Variants in SLC20A2 observed in about 807,000 individuals in gnomAD.
The protein encoded by SLC20A2 is solute carrier family 20 member 2, also known as sodium-dependent phosphate transporter 2.
SLC20A2 carries 30 observed loss-of-function variants against 61.0 expected under a neutral mutation model. That is an observed-to-expected ratio of 0.49 (90% CI 0.37 to 0.67). The LOEUF (loss-of-function observed/expected upper bound fraction) is 0.67, where lower values mean the gene tolerates loss of function less well. SLC20A2 is among the 30% of genes least tolerant of loss of function. SLC20A2 has a pLI of 0.00. For synonymous variants in SLC20A2, 351 were observed against 353.3 expected (o/e 0.99, Z 0.07); for missense variants, 626 against 866.4 (o/e 0.72, Z 3.48).
At chr8:42,477,836 G>A (rs979494754) in intron 1 of SLC20A2, among the ~76,000 whole-genome samples, 6 of 151,590 alleles carry the variant, frequency 4.0e-5, no homozygotes, top group East Asian at 1.9e-4. Flanking sequence ...CTAAAAGGGC[G>A]CTAAGAAAAA....
At chr8:42,485,870 C>T (rs1266018072) in intron 1 of SLC20A2, among the ~76,000 whole-genome samples, 2 of 150,918 alleles carry the variant, frequency 1.3e-5, no homozygotes, top group African/African-American at 4.9e-5. Context: ...CGCTTGAACC[C>T]GGGAGGCGGA....
intron 1 of SLC20A2, among the ~76,000 whole-genome samples, chr8:42,515,092 A>T (rs1471090979): frequency 6.6e-6 from 1 of 152,248 alleles, no homozygotes; most frequent in African/African-American, 2.4e-5. Flanking sequence ...CAATTCTATA[A>T]GACAGATTGA....
rs892436898 is a variant in SLC20A2 at position 42,417,514 on chromosome 8, T to G, written c.*289A>C. The G allele has an allele frequency of 2.8e-5, 6 of 213,684 alleles. No individual in the cohort carries two copies. The highest frequency in any genetic ancestry group is 4.5e-5 in the African/African-American group (2 of 44,816). The allele number at this position is 213,684 out of a possible 1,614,324, so 13.2% of individuals were successfully genotyped here. On this transcript the variant is annotated 3_prime_UTR_variant, in exon 11 of 11. Transcript: ENST00000520262. ...ATATGTTTGAAATAATGCTGCCTATTCTATGGATACAATAGATATTTAATA... is the reference window on the plus strand; with the variant it reads ...ATATGTTTGAAATAATGCTGCCTATGCTATGGATACAATAGATATTTAATA...
At chr8:42,481,292 T>C (rs1271554357) in intron 1 of SLC20A2, among the ~76,000 whole-genome samples, 1 of 152,142 alleles carries the variant, frequency 6.6e-6, no homozygotes, top group African/African-American at 2.4e-5. Context: ...TCACTGAAAG[T>C]AGATTTAAAC....
chr8:42,433,175 C>CA (rs1803991308), intron 8 of SLC20A2, among the ~76,000 whole-genome samples: 1 of 152,254 alleles, frequency 6.6e-6, no homozygotes, highest in Admixed American at 6.5e-5. Context: ...AACAGATCTC[C>CA]AGAACTTGTT....
intron 8 of SLC20A2, among the ~76,000 whole-genome samples, chr8:42,436,013 G>T (rs1804220924): frequency 6.6e-6 from 1 of 152,098 alleles, no homozygotes; most frequent in Non-Finnish European, 1.5e-5. Flanking sequence ...GGCTTGGGAA[G>T]GCTGAGACAA....
chr8:42,455,417 T>G (rs1477315931), intron 5 of SLC20A2, among the ~76,000 whole-genome samples: 1 of 151,648 alleles, frequency 6.6e-6, no homozygotes, highest in Non-Finnish European at 1.5e-5. Flanking sequence ...TCCCAGCACT[T>G]TGGGAGGCTG....
chr8:42,437,081 C>T lies in SLC20A2; in HGVS notation c.1431G>A (p.Glu477=), dbSNP rs1421633332. ...REDPAEEEKE[E]KDAPEVHLLF... ...GGAGGTGAACCTCGGGTGCGTCCTT[C>T]TCCTCCTTCTCCTCCTCTGCAGGGT... The change falls in exon 8 of 11, where the codon GAG becomes GAA. Residue 477 remains glutamate, a synonymous_variant. Transcript: ENST00000520262. The surrounding 1 kb of genome is among the most constrained non-coding windows in gnomAD (Gnocchi z 6.4). The T allele has an allele frequency of 1.1e-5, 17 of 1,614,002 alleles. No individual in the cohort carries two copies. The highest frequency in any genetic ancestry group is 1.4e-5 in the Non-Finnish European group (17 of 1,180,028).
At chr8:42,490,804 A>G (rs1328164890) in intron 1 of SLC20A2, among the ~76,000 whole-genome samples, 6 of 152,212 alleles carry the variant, frequency 3.9e-5, no homozygotes, top group Admixed American at 3.9e-4. Flanking sequence ...TTAACCGCAC[A>G]GCAGCTGAGG....
intron 1 of SLC20A2, among the ~76,000 whole-genome samples, chr8:42,479,315 C>G (rs1808387972): frequency 1.3e-5 from 2 of 152,152 alleles, no homozygotes; most frequent in Admixed American, 1.3e-4. Context: ...AGACCAAGAG[C>G]TGCAAGGACG....
intron 1 of SLC20A2, chr8:42,535,471 G>A (rs1217471649): frequency 1.3e-5 from 2 of 151,998 alleles, no homozygotes; most frequent in Non-Finnish European, 2.9e-5. Flanking sequence ...TTTCACTTCA[G>A]TTTTAAGTAT....
chr8:42,468,648 G>C (rs1807374127), intron 2 of SLC20A2, among the ~76,000 whole-genome samples: 1 of 152,148 alleles, frequency 6.6e-6, no homozygotes, highest in Non-Finnish European at 1.5e-5. Context: ...CCACGACCTA[G>C]GGAAAGTGGG....
intron 1 of SLC20A2, among the ~76,000 whole-genome samples, chr8:42,506,975 A>G (rs1052096111): frequency 1.6e-4 from 24 of 152,228 alleles, no homozygotes; most frequent in African/African-American, 5.8e-4. Flanking sequence ...TGAGAAGGCC[A>G]CATGGAGTGG....
chr8:42,489,357 G>A (rs1002520635), intron 1 of SLC20A2, among the ~76,000 whole-genome samples: 17 of 152,098 alleles, frequency 1.1e-4, no homozygotes, highest in African/African-American at 1.9e-4. Flanking sequence ...TTGAACGTAC[G>A]TGTAATGGCT....
At chr8:42,434,561 G>A (rs1039056161) in intron 8 of SLC20A2, among the ~76,000 whole-genome samples, 10 of 152,114 alleles carry the variant, frequency 6.6e-5, no homozygotes, top group African/African-American at 2.2e-4. Context: ...GTTTTGCTGT[G>A]TGGCCCTGAG....
At chr8:42,436,533 T>C (rs1235992094) in intron 8 of SLC20A2, among the ~76,000 whole-genome samples, 1 of 152,146 alleles carries the variant, frequency 6.6e-6, no homozygotes, top group African/African-American at 2.4e-5. Context: ...GTGTGGCCCC[T>C]GCTCACAGCT....
At chr8:42,464,968 G>C (rs1807040948) in intron 3 of SLC20A2, among the ~76,000 whole-genome samples, 1 of 152,110 alleles carries the variant, frequency 6.6e-6, no homozygotes, top group African/African-American at 2.4e-5. Flanking sequence ...GGGTGCCAGA[G>C]CGAGACTCCA....
At chr8:42,524,350 G>A (rs757068495) in intron 1 of SLC20A2, among the ~76,000 whole-genome samples, 2 of 152,114 alleles carry the variant, frequency 1.3e-5, no homozygotes, top group African/African-American at 2.4e-5. Flanking sequence ...GTGGTGGGGG[G>A]AGTGGGTAGA....
At chr8:42,470,973 CAAAAAA>C in intron 2 of SLC20A2, 7 of 238,682 alleles carry the variant, frequency 2.9e-5, no homozygotes, top group South Asian at 5.5e-5. Flanking sequence ...GACTCTGTCT[CAAAAAA>C]AAAAAAAAAA....
Sources: gnomAD v4.1 joint callset for allele counts (sites outside exome capture counted in the v4.1 genomes callset) on GRCh38, gnomAD v4.1.1 for gene constraint, Gnocchi (gnomAD v3.1) non-coding constraint, MANE v1.5 for transcripts, NCBI Gene and HGNC (gene_info 2026-07-23, HGNC 2026-07-21) for gene names.